SNX29: variants seen among roughly 807,000 people sequenced by gnomAD.
The protein encoded by SNX29 is sorting nexin-29.
In SNX29, 78 loss-of-function variants were observed where a neutral mutation model predicts 102.1. The observed-to-expected ratio is 0.76, with a 90% CI of 0.64 to 0.92. The LOEUF (loss-of-function observed/expected upper bound fraction) is 0.92. SNX29 is among the 40% of genes least tolerant of loss of function. SNX29 has a pLI of 0.00. For synonymous variants in SNX29, 580 were observed against 414.5 expected, an observed-to-expected ratio of 1.40 and a Z score of -4.85; for missense variants, 1,280 against 1,061.7, an observed-to-expected ratio of 1.21 and a Z score of -2.86.
intron 18 of SNX29, among the ~76,000 whole-genome samples, chr16:12,421,670 C>T (rs541030456): frequency 2.7e-4 from 41 of 152,254 alleles, no homozygotes; most frequent in African/African-American, 8.4e-4. Context: ...TAGCTGCTGC[C>T]ACTGCTGTCA....
intron 18 of SNX29, among the ~76,000 whole-genome samples, chr16:12,461,686 A>G (rs2151754190): frequency 6.6e-6 from 1 of 151,882 alleles, no homozygotes; most frequent in African/African-American, 2.4e-5. Flanking sequence ...GCCAGGTGCC[A>G]TTGCTCACAC....
At chr16:12,562,847 C>A (rs552779488) in intron 20 of SNX29, among the ~76,000 whole-genome samples, 5 of 152,292 alleles carry the variant, frequency 3.3e-5, no homozygotes, top group African/African-American at 9.6e-5. Context: ...CTATAGGCAA[C>A]CCGACAGCTC....
chr16:12,536,982 AAAAAT>A lies in SNX29; in HGVS notation c.2318+12151_2318+12155del, dbSNP rs200839685. On this transcript the variant is annotated intron_variant, in intron 20 of 20. Coordinates refer to ENST00000566228, the MANE Select transcript of SNX29 (RefSeq NM_032167.5). ...CAGAGTGAGAGAGAACCCGTCTTAA[AAAAAT>A]AAAATAAAAAGAGTTGTTCAGGGCA... Among the ~76,000 whole-genome samples the A allele has an allele frequency of 3.8e-3, 568 of 148,790 alleles. 5 individuals are homozygous for A. The highest frequency in any genetic ancestry group is 0.011 in the African/African-American group (438 of 41,196).
chr16:12,009,522 C>G (rs546227751), intron 3 of SNX29, among the ~76,000 whole-genome samples: 2 of 151,024 alleles, frequency 1.3e-5, no homozygotes, highest in Non-Finnish European at 2.9e-5. Context: ...AGACGGACAC[C>G]GTGAGATGCT....
At chr16:12,265,648 C>T (rs928865202) in intron 14 of SNX29, among the ~76,000 whole-genome samples, 4 of 129,628 alleles carry the variant, frequency 3.1e-5, no homozygotes, top group Non-Finnish European at 6.2e-5. Context: ...ATCAATTGTG[C>T]CTAGGAGTTT....
At position 12,051,959 on chromosome 16, in the gene SNX29, G is replaced by A; in HGVS notation, c.861G>A (p.Gly287=). The change falls in exon 8 of 21, where the codon GGG becomes GGA. Residue 287 remains glycine (G), a synonymous_variant. Transcript: ENST00000566228. ...NSGDVFKKTP[G]AGESSEDNSD... ...GGGACGTGTTTAAAAAGACACCTGGGGCAGGGGAGAGCTCAGAGGACAACT... is the reference window on the plus strand; with the variant it reads ...GGGACGTGTTTAAAAAGACACCTGGAGCAGGGGAGAGCTCAGAGGACAACT... 1 of 1,613,856 alleles carries A rather than the reference G, an allele frequency of 6.2e-7. No individual in the cohort carries two copies. Among genetic ancestry groups the A allele is most frequent in the Non-Finnish European group, 8.5e-7 (1 of 1,179,842 alleles).
chr16:12,530,662 T>G (rs1039838845), intron 20 of SNX29, among the ~76,000 whole-genome samples: 1 of 152,110 alleles, frequency 6.6e-6, no homozygotes, highest in African/African-American at 2.4e-5. Context: ...TTCAAGCGAT[T>G]CTCCTGCCTC....
chr16:12,441,960 T>A (rs908640041), intron 18 of SNX29, among the ~76,000 whole-genome samples: 2 of 152,128 alleles, frequency 1.3e-5, no homozygotes, highest in Non-Finnish European at 2.9e-5. Context: ...GGCTAATTTT[T>A]GTAGAGATGG....
At chr16:12,218,528 G>T (rs2077385966) in intron 14 of SNX29, among the ~76,000 whole-genome samples, 1 of 152,160 alleles carries the variant, frequency 6.6e-6, no homozygotes, top group Non-Finnish European at 1.5e-5. Flanking sequence ...AGAGACCTGT[G>T]GCCTGCAAAC....
intron 20 of SNX29, among the ~76,000 whole-genome samples, chr16:12,530,521 C>T (rs1335623293): frequency 6.6e-6 from 1 of 151,628 alleles, no homozygotes; most frequent in African/African-American, 2.4e-5. Flanking sequence ...AGAAACTCCA[C>T]TGTTCTGAAA....
intron 15 of SNX29, among the ~76,000 whole-genome samples, chr16:12,287,596 A>G (rs896377866): frequency 6.6e-6 from 1 of 152,240 alleles, no homozygotes; most frequent in Non-Finnish European, 1.5e-5. Flanking sequence ...GTAGTAAACT[A>G]CAAGGACTGT....
chr16:12,525,243 G>A (rs556108674), intron 20 of SNX29, among the ~76,000 whole-genome samples: 1 of 151,266 alleles, frequency 6.6e-6, no homozygotes, highest in Non-Finnish European at 1.5e-5. Context: ...ACTCCTACCA[G>A]TATTGACTTA....
At position 12,570,337 on chromosome 16, in the gene SNX29, C is replaced by T; in HGVS notation, c.*1708C>T. The stretch of plus-strand genomic sequence containing the variant: ...CCTGTAAAGGCAACTTGGTCTCCCT[C>T]CCACTCACCTGCCAACATTGCTGCA... On this transcript the variant is annotated 3_prime_UTR_variant, in exon 21 of 21. Transcript: ENST00000566228. 1.4e-6 allele frequency: 1 copy of T among 740,690 alleles called. No individual in the cohort carries two copies. Among genetic ancestry groups the T allele is most frequent in the Non-Finnish European group, 1.7e-6 (1 of 582,390 alleles). The allele number at this position is 740,690 out of a possible 1,614,324, so 45.9% of individuals were successfully genotyped here.
rs563922319 is a variant in SNX29 at position 12,517,794 on chromosome 16, G to A, written c.2179-6908G>A. The stretch of plus-strand genomic sequence containing the variant: ...GAGTGCTTTGAAGAAAGGAGAATGA[G>A]GACTGGATCAGAGAGGGCCTGGGCG... On this transcript the variant is annotated intron_variant, in intron 19 of 20. Transcript: ENST00000566228. 7.5e-4 allele frequency among the ~76,000 whole-genome samples: 114 copies of A among 152,062 alleles called. 1 individual carries two copies. The highest frequency in any genetic ancestry group is 1.1e-3 in the Non-Finnish European group (78 of 68,012).
At chr16:12,082,622 C>G (rs538748423) in intron 11 of SNX29, among the ~76,000 whole-genome samples, 151 of 152,220 alleles carry the variant, frequency 9.9e-4, no homozygotes, top group African/African-American at 3.6e-3. Context: ...TGGGACATAT[C>G]CAGAGCTTAT....
intron 15 of SNX29, among the ~76,000 whole-genome samples, chr16:12,326,718 A>G (rs544666893): frequency 1.3e-5 from 2 of 152,072 alleles, no homozygotes; most frequent in South Asian, 2.1e-4. Context: ...ATCCTGGACA[A>G]GTTTCTCTGT....
intron 20 of SNX29, among the ~76,000 whole-genome samples, chr16:12,565,819 C>T (rs1038320494): frequency 6.6e-6 from 1 of 152,202 alleles, no homozygotes; most frequent in East Asian, 1.9e-4. Flanking sequence ...CAGCTCACTT[C>T]TGGTCACCCT....
intron 11 of SNX29, among the ~76,000 whole-genome samples, chr16:12,106,728 G>T (rs1200886633): frequency 4.0e-5 from 6 of 148,982 alleles, no homozygotes; most frequent in African/African-American, 1.5e-4. Context: ...CGATTCTCCT[G>T]CCTTGGCCTC....
chr16:12,029,252 T>A (rs1414451399), intron 4 of SNX29, among the ~76,000 whole-genome samples: 2 of 152,184 alleles, frequency 1.3e-5, no homozygotes, highest in African/African-American at 4.8e-5. Flanking sequence ...TTCAATAAAA[T>A]TATGTTCACT....
Sources: gnomAD v4.1 joint callset for allele counts (sites outside exome capture counted in the v4.1 genomes callset) on GRCh38, gnomAD v4.1.1 for gene constraint, MANE v1.5 for transcripts, NCBI Gene and HGNC (gene_info 2026-07-23, HGNC 2026-07-21) for gene names.